The following TSHZ2 variants were observed in gnomAD, a reference collection of about 807,000 sequenced individuals.
The protein encoded by TSHZ2 is teashirt homolog 2.
Under a neutral mutation model 74.4 loss-of-function variants are expected in TSHZ2, and 21 were observed. That is an observed-to-expected ratio of 0.28 (90% confidence interval 0.20 to 0.41). TSHZ2 has a LOEUF of 0.41. TSHZ2 is among the 10% of genes least tolerant of loss of function. The probability of loss-of-function intolerance (pLI) is 1.00; values close to 1 mark genes in which losing one functional copy is unlikely to be tolerated. For synonymous variants in TSHZ2, 540 were observed against 515.3 expected, an observed-to-expected ratio of 1.05 and a Z score of -0.65; for missense variants, 1,244 against 1,293.5, an observed-to-expected ratio of 0.96 and a Z score of 0.59.
intron 1 of TSHZ2, among the ~76,000 whole-genome samples, chr20:52,993,948 G>A (rs1982080726): frequency 6.6e-6 from 1 of 152,204 alleles, no homozygotes; most frequent in South Asian, 2.1e-4. Context: ...TTGCTGGGCT[G>A]AAGCTGATGC....
At chr20:53,472,989 C>A (rs570401379) in intron 2 of TSHZ2, among the ~76,000 whole-genome samples, 1 of 151,962 alleles carries the variant, frequency 6.6e-6, no homozygotes, top group African/African-American at 2.4e-5. Context: ...TATCCCGCAC[C>A]TGGCTGGGAG....
chr20:53,231,949 A>G (rs1228792115), intron 1 of TSHZ2, among the ~76,000 whole-genome samples: 2 of 152,276 alleles, frequency 1.3e-5, no homozygotes, highest in African/African-American at 2.4e-5. Context: ...CAGTGGCACC[A>G]TCATAGTTCA....
intron 1 of TSHZ2, among the ~76,000 whole-genome samples, chr20:53,177,045 A>AT (rs1306861803): frequency 1.3e-5 from 2 of 151,940 alleles, no homozygotes; most frequent in Non-Finnish European, 2.9e-5. Context: ...TATTGTAGAA[A>AT]TTTTTTGTTA....
chr20:52,978,345 C>A (rs1212533199), intron 1 of TSHZ2, among the ~76,000 whole-genome samples: 1 of 152,126 alleles, frequency 6.6e-6, no homozygotes, highest in Non-Finnish European at 1.5e-5. Context: ...AGGCCCTGGT[C>A]ACGTTTGTGC....
chr20:53,094,709 C>T (rs924918213), intron 1 of TSHZ2, among the ~76,000 whole-genome samples: 4 of 152,164 alleles, frequency 2.6e-5, no homozygotes, highest in Non-Finnish European at 5.9e-5. Flanking sequence ...GTCAAAAATG[C>T]TACTATGCCC....
At chr20:53,008,980 CCT>C (rs55692015) in intron 1 of TSHZ2, among the ~76,000 whole-genome samples, 5,389 of 129,774 alleles carry the variant, frequency 0.042, 135 homozygotes, top group East Asian at 0.081. Context: ...TTGTCTTTCT[CCT>C]CTCTCTCTCT....
intron 2 of TSHZ2, among the ~76,000 whole-genome samples, chr20:53,258,993 C>T (rs1411713827): frequency 6.6e-6 from 1 of 152,168 alleles, no homozygotes; most frequent in Admixed American, 6.5e-5. Context: ...CTGAATGTTT[C>T]CCCCATCTGT....
At chr20:53,340,828 A>G (rs1047595695) in intron 2 of TSHZ2, among the ~76,000 whole-genome samples, 2 of 152,074 alleles carry the variant, frequency 1.3e-5, no homozygotes, top group African/African-American at 4.8e-5. Flanking sequence ...TGGGACAATC[A>G]CCAAGCATGG....
At chr20:53,308,090 C>G (rs6097352) in intron 2 of TSHZ2, among the ~76,000 whole-genome samples, 1 of 152,196 alleles carries the variant, frequency 6.6e-6, no homozygotes, top group Non-Finnish European at 1.5e-5. Flanking sequence ...GAAACTGCAT[C>G]TTTCCGAGAG....
intron 2 of TSHZ2, among the ~76,000 whole-genome samples, chr20:53,426,086 C>A (rs1247965535): frequency 2.0e-5 from 3 of 152,206 alleles, no homozygotes; most frequent in Non-Finnish European, 2.9e-5. Context: ...CCAGGATAAA[C>A]AGGGGAGGAC....
At chr20:53,163,446 A>T (rs1300273968) in intron 1 of TSHZ2, among the ~76,000 whole-genome samples, 9 of 84,458 alleles carry the variant, frequency 1.1e-4, no homozygotes, top group African/African-American at 2.0e-4. Context: ...ATTTTATTTT[A>T]TTTTATTTTA....
intron 1 of TSHZ2, among the ~76,000 whole-genome samples, chr20:53,087,463 C>T (rs1985733176): frequency 6.6e-6 from 1 of 152,204 alleles, no homozygotes; most frequent in African/African-American, 2.4e-5. Context: ...CTCATGAGAA[C>T]TCAGACTTCT....
chr20:53,102,113 A>G (rs187763016), intron 1 of TSHZ2, among the ~76,000 whole-genome samples: 3 of 152,256 alleles, frequency 2.0e-5, no homozygotes, highest in African/African-American at 7.2e-5. Flanking sequence ...TTTCCAGGCA[A>G]TGAGAAATTT....
At chr20:53,452,186 T>C (rs1251864252) in intron 2 of TSHZ2, among the ~76,000 whole-genome samples, 3 of 152,192 alleles carry the variant, frequency 2.0e-5, no homozygotes, top group Non-Finnish European at 4.4e-5. Flanking sequence ...CTGTGCACAG[T>C]GTAAGGGGCT....
intron 1 of TSHZ2, among the ~76,000 whole-genome samples, chr20:53,141,787 A>G (rs1362745221): frequency 1.3e-5 from 2 of 152,328 alleles, no homozygotes; most frequent in East Asian, 3.9e-4. Context: ...TTAGCATATC[A>G]GCTTGTCAGT....
intron 2 of TSHZ2, among the ~76,000 whole-genome samples, chr20:53,324,631 C>T (rs1346133983): frequency 6.6e-6 from 1 of 152,182 alleles, no homozygotes; most frequent in African/African-American, 2.4e-5. Context: ...CCACCTCAGC[C>T]TCCCAAAGTG....
intron 2 of TSHZ2, among the ~76,000 whole-genome samples, chr20:53,332,174 C>A (rs1361119646): frequency 6.6e-6 from 1 of 152,088 alleles, no homozygotes; most frequent in African/African-American, 2.4e-5. Context: ...ACTCACCCTG[C>A]CGAAGCCTGA....
chr20:53,278,597 C>T (rs1269199084), intron 2 of TSHZ2, among the ~76,000 whole-genome samples: 1 of 152,174 alleles, frequency 6.6e-6, no homozygotes, highest in Non-Finnish European at 1.5e-5. Flanking sequence ...CAGCTCATAT[C>T]ACAATAAGCT....
intron 1 of TSHZ2, among the ~76,000 whole-genome samples, chr20:53,166,688 T>C (rs1238210891): frequency 1.3e-5 from 2 of 152,076 alleles, no homozygotes; most frequent in East Asian, 1.9e-4. Flanking sequence ...GGAGGATCAC[T>C]TGAGCCTGGG....
Sources: gnomAD v4.1 joint callset for allele counts (sites outside exome capture counted in the v4.1 genomes callset) on GRCh38, gnomAD v4.1.1 for gene constraint, MANE v1.5 for transcripts, NCBI Gene and HGNC (gene_info 2026-07-23, HGNC 2026-07-21) for gene names.